Variants in CYBRD1 observed in about 807,000 individuals in gnomAD.
CYBRD1 encodes cytochrome b reductase 1.
Under a neutral mutation model 21.9 loss-of-function variants are expected in CYBRD1, and 14 were observed. The observed-to-expected ratio is 0.64, with a 90% CI of 0.42 to 1.00. The LOEUF (loss-of-function observed/expected upper bound fraction) is 1.00, where lower values mean the gene tolerates loss of function less well. CYBRD1 is among the 50% of genes least tolerant of loss of function. The pLI, the probability that CYBRD1 is intolerant of heterozygous loss-of-function variation, is 0.00. For synonymous variants in CYBRD1, 146 were observed against 136.5 expected (o/e 1.07, Z -0.48); for missense variants, 328 against 352.5 (o/e 0.93, Z 0.56).
At position 171,553,479 on chromosome 2, in the gene CYBRD1, C is replaced by T. The variant is rs1197529433; in HGVS notation, c.536C>T (p.Thr179Ile). Residue 179 changes from threonine to isoleucine, a missense_variant, in exon 3 of 4, where the codon ACA becomes ATA. Coordinates refer to ENST00000321348, the MANE Select transcript of CYBRD1 (RefSeq NM_024843.4). The part of the protein sequence containing the change: ...TVIATALMGL[T>I]EKLIFSLRDP... ...ATTGCAACAGCACTTATGGGATTGA[C>T]AGAGAAACTGATTTTTTCCCTGTAA... 1.2e-6 allele frequency: 2 copies of T among 1,611,816 alleles called. No homozygotes were observed. The highest frequency in any genetic ancestry group is 1.3e-5 in the African/African-American group (1 of 74,976).
chr2:171,550,719 A>G (rs1253031614), intron 2 of CYBRD1, among the ~76,000 whole-genome samples: 1 of 152,076 alleles, frequency 6.6e-6, no homozygotes, highest in Non-Finnish European at 1.5e-5. Flanking sequence ...TTGCTCAGGG[A>G]TCCTGTAAGC....
At chr2:171,527,716 T>TCCC (rs1225510096) in intron 1 of CYBRD1, among the ~76,000 whole-genome samples, 1 of 152,146 alleles carries the variant, frequency 6.6e-6, no homozygotes, top group Non-Finnish European at 1.5e-5. Context: ...ATTAAGTTTC[T>TCCC]CCCCCAACTG....
intron 2 of CYBRD1, among the ~76,000 whole-genome samples, chr2:171,549,335 C>T (rs62181679): frequency 0.081 from 12,260 of 152,230 alleles, 656 homozygotes; most frequent in Middle Eastern, 0.17. Flanking sequence ...CCACCCACCT[C>T]GGCCTCCCAA....
chr2:171,522,982 G>A lies in CYBRD1; in HGVS notation c.193+244G>A, dbSNP rs1697331103. On this transcript the variant is annotated intron_variant, in intron 1 of 3. Transcript: ENST00000321348. The surrounding 1 kb of genome is among the most constrained non-coding windows in gnomAD (Gnocchi z 4.3). The stretch of plus-strand genomic sequence containing the variant: ...AGCGCGGGGCCGGGGGTGCGCGGTG[G>A]AGACGCGCTGCTGGGGGCGGCGGAG... 1.8e-6 allele frequency: 1 copy of A among 542,660 alleles called. No homozygotes were observed. Among genetic ancestry groups the A allele is most frequent in the Non-Finnish European group, 3.1e-6 (1 of 317,654 alleles). 33.6% of individuals were successfully genotyped at this position (542,660 alleles called of 1,614,324 possible).
At chr2:171,531,262 T>G (rs1014283133) in intron 1 of CYBRD1, among the ~76,000 whole-genome samples, 1 of 152,148 alleles carries the variant, frequency 6.6e-6, no homozygotes, top group African/African-American at 2.4e-5. Context: ...CTATACAGAC[T>G]TTGGCTGTAC....
At chr2:171,529,173 G>A (rs1440332584) in intron 1 of CYBRD1, among the ~76,000 whole-genome samples, 1 of 152,194 alleles carries the variant, frequency 6.6e-6, no homozygotes. Flanking sequence ...AAGTAAATAG[G>A]TGAAGTAGAT....
Position 171,534,949 on chromosome 2 carries a change from G to A in CYBRD1, c.194-6636G>A, listed in dbSNP as rs572343564. 9.8e-4 allele frequency among the ~76,000 whole-genome samples: 149 copies of A among 152,328 alleles called. 1 individual carries two copies. Among genetic ancestry groups the A allele is most frequent in the African/African-American group, 3.4e-3 (142 of 41,580 alleles). On this transcript the variant is annotated intron_variant, in intron 1 of 3. Coordinates refer to ENST00000321348, the MANE Select transcript of CYBRD1 (RefSeq NM_024843.4). Reference sequence around the variant, plus strand: ...CCAGTTACAGTGGAGGCTGAGATGGGAGGATGGCTTGAGCCCAGGAGGCAG... The same window carrying A: ...CCAGTTACAGTGGAGGCTGAGATGGAAGGATGGCTTGAGCCCAGGAGGCAG...
chr2:171,525,803 A>C (rs1022767546), intron 1 of CYBRD1, among the ~76,000 whole-genome samples: 1 of 152,108 alleles, frequency 6.6e-6, no homozygotes, highest in Non-Finnish European at 1.5e-5. Flanking sequence ...AAACACCTTT[A>C]AGAAGTAGGC....
At position 171,522,596 on chromosome 2, in the gene CYBRD1, G is replaced by T; in HGVS notation, c.51G>T (p.Leu17=). The T allele has an allele frequency of 1.2e-6, 2 of 1,612,376 alleles. No homozygotes were observed. Among genetic ancestry groups the T allele is most frequent in the South Asian group, 1.1e-5 (1 of 90,380 alleles). Residue 17 remains leucine, a synonymous_variant, in exon 1 of 4, where the codon CTG becomes CTT. Coordinates refer to ENST00000321348, the MANE Select transcript of CYBRD1 (RefSeq NM_024843.4). The surrounding 1 kb of genome is among the most constrained non-coding windows in gnomAD (Gnocchi z 4.3). ...TCCTGGCGCTGCTGGGGTCGGCACTGCTCGTCGGCTTCCTGTCGGTGATCT... is the reference window on the plus strand; with the variant it reads ...TCCTGGCGCTGCTGGGGTCGGCACTTCTCGTCGGCTTCCTGTCGGTGATCT... The part of the protein sequence containing the change: ...WRFLALLGSA[L]LVGFLSVIFA...
chr2:171,542,529 A>G (rs1464465092), intron 2 of CYBRD1, among the ~76,000 whole-genome samples: 1 of 152,184 alleles, frequency 6.6e-6, no homozygotes, highest in Admixed American at 6.5e-5. Flanking sequence ...GAGAGAAATC[A>G]AGAGAGAGAC....
At chr2:171,536,398 G>A (rs1432992644) in intron 1 of CYBRD1, among the ~76,000 whole-genome samples, 1 of 152,046 alleles carries the variant, frequency 6.6e-6, no homozygotes, top group Non-Finnish European at 1.5e-5. Context: ...TCCGCCTCCC[G>A]GGTTCAAGCG....
upstream of CYBRD1, chr2:171,522,290 G>A (rs966071725): frequency 4.5e-6 from 7 of 1,546,016 alleles, no homozygotes; most frequent in South Asian, 4.8e-5. The surrounding 1 kb of genome is among the most constrained non-coding windows in gnomAD (Gnocchi z 4.3). Context: ...ACGAGGGAGA[G>A]GGTGAGGCCA....
chr2:171,536,139 T>TTC (rs1697542386), intron 1 of CYBRD1, among the ~76,000 whole-genome samples: 1 of 146,482 alleles, frequency 6.8e-6, no homozygotes, highest in South Asian at 2.3e-4. Flanking sequence ...TACTCTTTTT[T>TTC]TTTTTTTTTT....
chr2:171,525,788 CT>C (rs1220927116), intron 1 of CYBRD1, among the ~76,000 whole-genome samples: 19 of 151,906 alleles, frequency 1.3e-4, no homozygotes, highest in African/African-American at 4.6e-4. Context: ...AGTATGAGTC[CT>C]TTGAAACACC....
intron 2 of CYBRD1, 111 bp downstream of exon 2, chr2:171,541,904 AC>A: frequency 1.0e-6 from 1 of 960,170 alleles, no homozygotes; most frequent in Non-Finnish European, 1.5e-6. Flanking sequence ...TCGCTTAGCC[AC>A]CCAGGCTGGA....
intron 1 of CYBRD1, among the ~76,000 whole-genome samples, chr2:171,529,522 A>C (rs1279809925): frequency 8.1e-6 from 1 of 123,160 alleles, no homozygotes; most frequent in Non-Finnish European, 1.7e-5. Context: ...CAAGAGTGAA[A>C]CTCTGTCTCA....
chr2:171,547,714 T>C (rs949511557), intron 2 of CYBRD1, among the ~76,000 whole-genome samples: 1 of 152,190 alleles, frequency 6.6e-6, no homozygotes, highest in African/African-American at 2.4e-5. Context: ...CTGAAGTTGC[T>C]TCTGTTTTTC....
chr2:171,550,231 G>C (rs1697779137), intron 2 of CYBRD1, among the ~76,000 whole-genome samples: 6 of 152,102 alleles, frequency 3.9e-5, no homozygotes, highest in Admixed American at 3.9e-4. Flanking sequence ...TCAGCCTCCA[G>C]AGTAGCTGGG....
At position 171,522,934 on chromosome 2, in the gene CYBRD1, T is replaced by G. The variant is rs1697330352; in HGVS notation, c.193+196T>G. On this transcript the variant is annotated intron_variant, in intron 1 of 3. Transcript: ENST00000321348. The surrounding 1 kb of genome is among the most constrained non-coding windows in gnomAD (Gnocchi z 4.3). ...GGCTGGCTCTGGGGCGGGACAGAGC[T>G]GCGGTTCAGGAGGATCGCCGCGAGC... The G allele has an allele frequency of 1.2e-6, 1 of 836,524 alleles. No homozygotes were observed. Among genetic ancestry groups the G allele is most frequent in the South Asian group, 1.8e-5 (1 of 56,662 alleles). 51.8% of individuals were successfully genotyped at this position (836,524 alleles called of 1,614,324 possible). A position where few individuals can be genotyped will look rare whatever the true frequency, so the allele number is the denominator to read the frequency against.
Sources: gnomAD v4.1 joint callset for allele counts (sites outside exome capture counted in the v4.1 genomes callset) on GRCh38, gnomAD v4.1.1 for gene constraint, Gnocchi (gnomAD v3.1) non-coding constraint, MANE v1.5 for transcripts, NCBI Gene and HGNC (gene_info 2026-07-23, HGNC 2026-07-21) for gene names.